PPP2R2B: variants seen among roughly 807,000 people sequenced by gnomAD.
PPP2R2B encodes the protein protein phosphatase 2 regulatory subunit Bbeta, also known as serine/threonine-protein phosphatase 2A 55 kDa regulatory subunit B beta isoform.
PPP2R2B carries 5 observed loss-of-function variants against 46.0 expected under a neutral mutation model. The ratio of observed to expected loss-of-function variants is 0.11; its 90% CI spans 0.06 to 0.23. The LOEUF (loss-of-function observed/expected upper bound fraction) is 0.23. Among genes scored for constraint, PPP2R2B ranks in the 10% least tolerant of loss-of-function variants. PPP2R2B has a pLI of 1.00. For missense variants in PPP2R2B, 367 were observed against 575.0 expected (o/e 0.64, Z 3.70); for synonymous variants, 215 against 206.7 (o/e 1.04, Z -0.34).
chr5:146,659,602 C>T (rs890072556), intron 5 of PPP2R2B, among the ~76,000 whole-genome samples: 4 of 152,206 alleles, frequency 2.6e-5, no homozygotes, highest in African/African-American at 9.6e-5. Context: ...TTTATGGAGA[C>T]ATGATTTGTG....
chr5:146,761,725 T>C (rs796528009), intron 2 of PPP2R2B, among the ~76,000 whole-genome samples: 15 of 152,360 alleles, frequency 9.8e-5, no homozygotes, highest in African/African-American at 3.6e-4. Flanking sequence ...CATTTCTTTT[T>C]TAACCTCAGT....
chr5:146,790,240 T>C (rs575312312), intron 2 of PPP2R2B, among the ~76,000 whole-genome samples: 2 of 152,272 alleles, frequency 1.3e-5, no homozygotes, highest in Non-Finnish European at 2.9e-5. Context: ...AAAATGCCAA[T>C]TACCCTCATT....
At chr5:146,707,036 AT>A in intron 2 of PPP2R2B, 1 of 1,095,410 alleles carries the variant, frequency 9.1e-7, no homozygotes, top group South Asian at 1.2e-5. Flanking sequence ...ATGAGGACAA[AT>A]TCATTCTCCG....
intron 2 of PPP2R2B, among the ~76,000 whole-genome samples, chr5:146,711,624 G>C (rs1780217047): frequency 6.6e-6 from 1 of 152,178 alleles, no homozygotes. Flanking sequence ...AGGGCATGGA[G>C]GTGGTAATAA....
At chr5:147,014,437 G>C (rs970650404) in intron 1 of PPP2R2B, among the ~76,000 whole-genome samples, 1 of 151,698 alleles carries the variant, frequency 6.6e-6, no homozygotes, top group Non-Finnish European at 1.5e-5. Context: ...ACATGCACAC[G>C]TATGTTTATT....
intron 2 of PPP2R2B, among the ~76,000 whole-genome samples, chr5:146,842,672 T>C (rs1159149312): frequency 6.6e-6 from 1 of 152,070 alleles, no homozygotes; most frequent in African/African-American, 2.4e-5. Flanking sequence ...CCCCAGTGTG[T>C]GTTGTTCCTC....
chr5:146,941,141 C>T (rs1218356919), intron 1 of PPP2R2B, among the ~76,000 whole-genome samples: 2 of 152,108 alleles, frequency 1.3e-5, no homozygotes, highest in Non-Finnish European at 1.5e-5. Flanking sequence ...ACATGAAATG[C>T]AATAAGATTT....
chr5:146,894,127 T>C (rs1426561960), intron 1 of PPP2R2B, among the ~76,000 whole-genome samples: 1 of 152,214 alleles, frequency 6.6e-6, no homozygotes, highest in Non-Finnish European at 1.5e-5. Context: ...CAGTATCATC[T>C]CTTGGCTGTG....
chr5:147,014,006 C>T (rs1335669298), intron 1 of PPP2R2B, among the ~76,000 whole-genome samples: 11 of 131,908 alleles, frequency 8.3e-5, no homozygotes, highest in African/African-American at 2.8e-4. Context: ...GGCTAATATC[C>T]AGAATCTACA....
intron 1 of PPP2R2B, among the ~76,000 whole-genome samples, chr5:147,037,158 G>GT (rs1756078719): frequency 1.1e-4 from 1 of 8,996 alleles, no homozygotes; most frequent in Admixed American, 1.2e-3. Flanking sequence ...GTAGCTTCAG[G>GT]GAAAAAAAAT....
intron 1 of PPP2R2B, among the ~76,000 whole-genome samples, chr5:146,999,617 T>C (rs960347505): frequency 2.0e-5 from 3 of 152,120 alleles, no homozygotes; most frequent in Admixed American, 6.6e-5. Context: ...CTCTATTTGA[T>C]TGTATGACAC....
chr5:146,638,430 T>C lies in PPP2R2B; in HGVS notation c.626-15A>G. On this transcript the variant is annotated splice_polypyrimidine_tract_variant and intron_variant, in intron 6 of 9. Transcript: ENST00000394411. ...GTCCACAATATCTGGCACAGACGAG[T>C]CAAGGAAGGAACCAGGAGAAGGAGG... The C allele has an allele frequency of 6.4e-7, 1 of 1,571,066 alleles. No homozygotes were observed. Among genetic ancestry groups the C allele is most frequent in the Non-Finnish European group, 8.7e-7 (1 of 1,148,756 alleles).
At chr5:146,719,462 TC>T (rs1242688724) in intron 2 of PPP2R2B, among the ~76,000 whole-genome samples, 1 of 152,250 alleles carries the variant, frequency 6.6e-6, no homozygotes, top group African/African-American at 2.4e-5. Flanking sequence ...AATCTCAGTT[TC>T]TTTATCTGTA....
At chr5:147,032,715 C>T (rs1413438746) in intron 1 of PPP2R2B, among the ~76,000 whole-genome samples, 3 of 152,162 alleles carry the variant, frequency 2.0e-5, no homozygotes, top group Admixed American at 6.5e-5. Context: ...TGTAGTATTC[C>T]ATCTTATGTA....
At chr5:146,600,550 A>T in intron 7 of PPP2R2B, 90 bp from the exon 8 acceptor site, 4 of 1,319,254 alleles carry the variant, frequency 3.0e-6, no homozygotes, top group Non-Finnish European at 4.2e-6. Context: ...TGACAGTGTA[A>T]CTGAGAGTCT....
At chr5:146,806,934 A>G (rs958233936) in intron 2 of PPP2R2B, among the ~76,000 whole-genome samples, 1 of 152,226 alleles carries the variant, frequency 6.6e-6, no homozygotes, top group African/African-American at 2.4e-5. Context: ...TCATTGTCCC[A>G]TGACCTTAGG....
chr5:146,707,438 C>T (rs1303637480), intron 2 of PPP2R2B: 5 of 768,920 alleles, frequency 6.5e-6, no homozygotes, highest in African/African-American at 1.7e-5. Flanking sequence ...CCTCCCATGC[C>T]ACTGGCCCCA....
At chr5:146,926,452 T>C (rs1253092687) in intron 1 of PPP2R2B, among the ~76,000 whole-genome samples, 1 of 152,078 alleles carries the variant, frequency 6.6e-6, no homozygotes, top group Non-Finnish European at 1.5e-5. Flanking sequence ...AGTGCAGTGG[T>C]GCAATGTCAG....
chr5:146,792,237 T>C (rs1217338600), intron 2 of PPP2R2B, among the ~76,000 whole-genome samples: 1 of 152,162 alleles, frequency 6.6e-6, no homozygotes, highest in African/African-American at 2.4e-5. Context: ...TTAAGCAAAC[T>C]TTTAGTAGGA....
Sources: allele counts gnomAD v4.1 joint callset (sites outside exome capture counted in the v4.1 genomes callset), GRCh38; gene constraint gnomAD v4.1.1; transcripts MANE v1.5; gene names NCBI Gene and HGNC (gene_info 2026-07-23, HGNC 2026-07-21).